CERT1: variants seen among roughly 807,000 people sequenced by gnomAD.
CERT1 encodes the protein ceramide transporter 1.
CERT1 carries 31 observed loss-of-function variants against 87.9 expected under a neutral mutation model. The ratio of observed to expected loss-of-function variants is 0.35; its 90% CI spans 0.27 to 0.48. The LOEUF (loss-of-function observed/expected upper bound fraction) is 0.48. CERT1 is among the 20% of genes least tolerant of loss of function. The pLI is 0.99. For missense variants in CERT1, 487 were observed against 758.0 expected (o/e 0.64, Z 4.20); for synonymous variants, 289 against 250.9 (o/e 1.15, Z -1.44).
intron 2 of CERT1, among the ~76,000 whole-genome samples, chr5:75,468,010 G>C (rs1176733633): frequency 6.6e-6 from 1 of 152,150 alleles, no homozygotes; most frequent in Non-Finnish European, 1.5e-5. Flanking sequence ...GCAAAAAGTG[G>C]TTGGCCCTTA....
chr5:75,460,827 TTAAGA>T (rs1432006340), intron 2 of CERT1, among the ~76,000 whole-genome samples: 12 of 152,138 alleles, frequency 7.9e-5, no homozygotes, highest in African/African-American at 1.2e-4. Flanking sequence ...ATGAAACAAC[TTAAGA>T]TAAGAAATCA....
At chr5:75,511,793 C>G (rs758623048), upstream of CERT1, 10 of 1,551,390 alleles carry the variant, frequency 6.4e-6, no homozygotes, top group African/African-American at 1.2e-4. Context: ...GGTAGAAAAG[C>G]AGGAGGAGCG....
intron 2 of CERT1, among the ~76,000 whole-genome samples, chr5:75,489,942 A>G (rs1014147691): frequency 6.6e-6 from 1 of 152,206 alleles, no homozygotes; most frequent in Admixed American, 6.5e-5. Flanking sequence ...ACTATTCACA[A>G]CAGCAATTGC....
In CERT1 at chr5:75,418,994, C is replaced by G. The variant is rs1442053589; in HGVS notation, c.679+347G>C. ...AAAGCTTTTTTAAAGCTTATATTTT[C>G]TTAATAAGAATACGCACGTACATCA... On this transcript the variant is annotated intron_variant, in intron 6 of 16. Coordinates refer to ENST00000643780, the MANE Select transcript of CERT1 (RefSeq NM_001379029.1). 2.0e-5 allele frequency among the ~76,000 whole-genome samples: 3 copies of G among 152,102 alleles called. No individual in the cohort carries two copies. The East Asian group carries it at 5.8e-4, about 29-fold the overall frequency.
chr5:75,449,754 T>G (rs569978168), intron 3 of CERT1, among the ~76,000 whole-genome samples: 1 of 152,110 alleles, frequency 6.6e-6, no homozygotes, highest in Non-Finnish European at 1.5e-5. Context: ...GTTATCTCAC[T>G]GAGGTTTACA....
At chr5:75,440,231 A>G (rs543965896) in intron 3 of CERT1, among the ~76,000 whole-genome samples, 1 of 152,214 alleles carries the variant, frequency 6.6e-6, no homozygotes, top group East Asian at 1.9e-4. Flanking sequence ...ATTTCCAGGA[A>G]CTGAACCAAT....
chr5:75,445,393 T>C (rs1764494796), intron 3 of CERT1, among the ~76,000 whole-genome samples: 1 of 152,260 alleles, frequency 6.6e-6, no homozygotes. Flanking sequence ...AGTGCAGGTC[T>C]AGTGGCAAAT....
At chr5:75,371,013 T>C (rs1336940515) in intron 17 of CERT1, 1 of 151,704 alleles carries the variant, frequency 6.6e-6, no homozygotes, top group Non-Finnish European at 1.5e-5. Context: ...GATCCCTAAC[T>C]GGGTTACGGG....
intron 9 of CERT1, 103 bp downstream of exon 9, chr5:75,402,869 A>G: frequency 1.5e-6 from 1 of 668,572 alleles, no homozygotes; most frequent in Admixed American, 2.6e-5. Context: ...TAGGTTATTA[A>G]GTTCACAATG....
chr5:75,400,407 T>C (rs1762422108), intron 9 of CERT1, 110 bp from the exon 10 acceptor site: 1 of 691,398 alleles, frequency 1.4e-6, no homozygotes, highest in Admixed American at 2.7e-5. Context: ...AACGCCTTAG[T>C]GCTTATAACC....
At chr5:75,412,539 T>G (rs1190812854) in intron 7 of CERT1, among the ~76,000 whole-genome samples, 1 of 152,232 alleles carries the variant, frequency 6.6e-6, no homozygotes, top group African/African-American at 2.4e-5. Flanking sequence ...AATGTGTCAC[T>G]GACGACTTAA....
chr5:75,456,663 CAAAAAAAA>C (rs34320476), intron 3 of CERT1, among the ~76,000 whole-genome samples: 1 of 69,424 alleles, frequency 1.4e-5, no homozygotes, highest in Non-Finnish European at 2.7e-5. Context: ...GACCTCATCT[CAAAAAAAA>C]AAAAAAAAAA....
At chr5:75,510,022 T>C (rs5744531) in intron 1 of CERT1, among the ~76,000 whole-genome samples, 3,596 of 152,292 alleles carry the variant, frequency 0.024, 141 homozygotes, top group African/African-American at 0.082. Flanking sequence ...CCCTTCTCAT[T>C]AGCTTTCTAG....
At chr5:75,483,921 C>G (rs987205993) in intron 2 of CERT1, among the ~76,000 whole-genome samples, 1 of 151,192 alleles carries the variant, frequency 6.6e-6, no homozygotes, top group African/African-American at 2.4e-5. Context: ...AGTATGTACA[C>G]AATCACAGAA....
At chr5:75,455,304 C>T (rs1359473774) in intron 3 of CERT1, among the ~76,000 whole-genome samples, 3 of 152,216 alleles carry the variant, frequency 2.0e-5, no homozygotes, top group Non-Finnish European at 2.9e-5. Context: ...ATCTTGACAA[C>T]TTTTTGCAGG....
At chr5:75,447,522 G>A (rs1287642631) in intron 3 of CERT1, among the ~76,000 whole-genome samples, 1 of 150,936 alleles carries the variant, frequency 6.6e-6, no homozygotes, top group African/African-American at 2.4e-5. Flanking sequence ...CCAGGGTAGA[G>A]TGCAGTGGCG....
At chr5:75,493,665 C>T (rs528263856) in intron 2 of CERT1, among the ~76,000 whole-genome samples, 1 of 152,252 alleles carries the variant, frequency 6.6e-6, no homozygotes, top group African/African-American at 2.4e-5. Flanking sequence ...ATCTATTATA[C>T]TGGACCTTGC....
intron 7 of CERT1, among the ~76,000 whole-genome samples, chr5:75,414,685 C>A (rs1204187983): frequency 6.6e-6 from 1 of 152,064 alleles, no homozygotes; most frequent in Non-Finnish European, 1.5e-5. Context: ...ATCATCACTA[C>A]AAAATAGTAT....
intron 15 of CERT1, 121 bp from the exon 16 acceptor site, chr5:75,381,322 T>A: frequency 8.9e-7 from 1 of 1,127,524 alleles, no homozygotes; most frequent in Admixed American, 2.0e-5. Context: ...TGAAATCTTA[T>A]AAGCACCAAG....
Sources: allele counts gnomAD v4.1 joint callset (sites outside exome capture counted in the v4.1 genomes callset), GRCh38; gene constraint gnomAD v4.1.1; transcripts MANE v1.5; gene names NCBI Gene and HGNC (gene_info 2026-07-23, HGNC 2026-07-21).